The following ERI3 variants were observed in gnomAD, a reference collection of about 807,000 sequenced individuals.
The protein encoded by ERI3 is ERI1 exoribonuclease family member 3, also known as ERI1 exoribonuclease 3.
In ERI3, 18 loss-of-function variants were observed where a neutral mutation model predicts 44.4. That is an observed-to-expected ratio of 0.41 (90% CI 0.28 to 0.60). ERI3 has a LOEUF of 0.60. ERI3 is among the 20% of genes least tolerant of loss of function. The probability of loss-of-function intolerance (pLI) is 0.36; values close to 1 mark genes in which losing one functional copy is unlikely to be tolerated. For synonymous variants in ERI3, 183 were observed against 164.8 expected (o/e 1.11, Z -0.84); for missense variants, 294 against 435.5 (o/e 0.68, Z 2.89).
At chr1:44,298,637 G>A (rs1294212051) in intron 6 of ERI3, among the ~76,000 whole-genome samples, 1 of 152,098 alleles carries the variant, frequency 6.6e-6, no homozygotes, top group Non-Finnish European at 1.5e-5. Context: ...GACACAGGTC[G>A]GGTGCGGTGT....
intron 6 of ERI3, among the ~76,000 whole-genome samples, chr1:44,294,798 T>A (rs1416112405): frequency 6.6e-6 from 1 of 152,256 alleles, no homozygotes; most frequent in Non-Finnish European, 1.5e-5. Context: ...CCTTAGCAGA[T>A]TGAGCTGTCT....
At chr1:44,309,157 G>A (rs1385995459) in intron 5 of ERI3, among the ~76,000 whole-genome samples, 1 of 152,156 alleles carries the variant, frequency 6.6e-6, no homozygotes, top group East Asian at 1.9e-4. Flanking sequence ...TGTTCACACT[G>A]GAAATTCAAA....
intron 2 of ERI3, among the ~76,000 whole-genome samples, chr1:44,343,159 A>C (rs1006432567): frequency 6.6e-6 from 1 of 152,052 alleles, no homozygotes; most frequent in Admixed American, 6.5e-5. Flanking sequence ...TGATGGGAAC[A>C]TACCAAAAGG....
chr1:44,317,503 G>A (rs1646114728), intron 4 of ERI3, among the ~76,000 whole-genome samples: 1 of 152,146 alleles, frequency 6.6e-6, no homozygotes, highest in South Asian at 2.1e-4. Flanking sequence ...GGGAGAGACA[G>A]AAAATAACTC....
At chr1:44,305,523 C>T (rs181588589) in intron 6 of ERI3, among the ~76,000 whole-genome samples, 44 of 152,332 alleles carry the variant, frequency 2.9e-4, no homozygotes, top group African/African-American at 1.0e-3. Context: ...ATCCACATCA[C>T]TAAATAAAAA....
chr1:44,285,434 T>C (rs911966852), intron 6 of ERI3, among the ~76,000 whole-genome samples: 1 of 152,096 alleles, frequency 6.6e-6, no homozygotes, highest in Non-Finnish European at 1.5e-5. Context: ...AAAGGCAGAG[T>C]ATATGACTTA....
intron 7 of ERI3, among the ~76,000 whole-genome samples, chr1:44,262,827 A>AG (rs1644921323): frequency 6.6e-6 from 1 of 152,198 alleles, no homozygotes; most frequent in African/African-American, 2.4e-5. Flanking sequence ...GACACTCTCC[A>AG]GATTCTTTCC....
Position 44,221,538 on chromosome 1 carries a change from C to T in ERI3, c.*20G>A. 1.9e-6 allele frequency: 3 copies of T among 1,609,066 alleles called. No individual in the cohort carries two copies. The highest frequency in any genetic ancestry group is 2.6e-6 in the Non-Finnish European group (3 of 1,175,506). ...GGGCCAAACAGCTACCCTGTCCTGC[C>T]CCATCCTGTCCTCGGCCAATCAGAA... On this transcript the variant is annotated 3_prime_UTR_variant, in exon 9 of 9. Transcript: ENST00000372257. This position sits in a 1 kb window ranked among gnomAD's most constrained non-coding sequence, Gnocchi z 5.9.
chr1:44,251,630 G>A (rs1462936019), intron 7 of ERI3, among the ~76,000 whole-genome samples: 1 of 152,182 alleles, frequency 6.6e-6, no homozygotes, highest in African/African-American at 2.4e-5. Flanking sequence ...TGGCAGGCTG[G>A]GACGGTTTGA....
chr1:44,330,179 G>A (rs954974282), intron 3 of ERI3, among the ~76,000 whole-genome samples: 28 of 151,846 alleles, frequency 1.8e-4, no homozygotes, highest in African/African-American at 4.8e-4. Context: ...TTCCTTTTCC[G>A]GCTCCCCAAC....
intron 4 of ERI3, 144 bp downstream of exon 4, chr1:44,319,478 GACTTCA>G (rs1417025908): frequency 1.7e-6 from 1 of 596,564 alleles, no homozygotes; most frequent in African/African-American, 1.8e-5. Context: ...TGGAGTGGCA[GACTTCA>G]TAAAACCTAA....
intron 2 of ERI3, among the ~76,000 whole-genome samples, chr1:44,345,023 T>G (rs1451540524): frequency 6.6e-6 from 1 of 152,242 alleles, no homozygotes; most frequent in Non-Finnish European, 1.5e-5. Flanking sequence ...CAGCCATTAC[T>G]GTCTATCAGG....
At chr1:44,341,890 A>AAAAAC (rs371317809) in intron 2 of ERI3, among the ~76,000 whole-genome samples, 102 of 152,242 alleles carry the variant, frequency 6.7e-4, no homozygotes, top group Middle Eastern at 3.4e-3. Flanking sequence ...ACCATAATTC[A>AAAAAC]AAAACAAAAC....
chr1:44,292,787 G>C (rs756240955), intron 6 of ERI3, among the ~76,000 whole-genome samples: 66 of 152,294 alleles, frequency 4.3e-4, no homozygotes, highest in Middle Eastern at 3.4e-3. Flanking sequence ...CCAACCACAG[G>C]CTTCAGAAAG....
At chr1:44,286,086 T>A (rs1645388847) in intron 6 of ERI3, among the ~76,000 whole-genome samples, 1 of 152,184 alleles carries the variant, frequency 6.6e-6, no homozygotes. Context: ...GACCTCTGCT[T>A]GGCTAGCTTC....
At chr1:44,308,489 T>C (rs1645887514) in intron 5 of ERI3, 88 bp from the exon 6 acceptor site, 1 of 1,016,244 alleles carries the variant, frequency 9.8e-7, no homozygotes, top group Non-Finnish European at 1.6e-6. Context: ...GATAAGCTGC[T>C]TGTAATCAGA....
chr1:44,283,624 C>G (rs1645332768), intron 7 of ERI3, among the ~76,000 whole-genome samples: 1 of 152,160 alleles, frequency 6.6e-6, no homozygotes, highest in South Asian at 2.1e-4. Context: ...CATGGGAGAT[C>G]AGCAGGAGAG....
At chr1:44,336,296 A>G (rs1646534624) in intron 3 of ERI3, among the ~76,000 whole-genome samples, 1 of 152,192 alleles carries the variant, frequency 6.6e-6, no homozygotes, top group South Asian at 2.1e-4. Context: ...GAATCCCATC[A>G]GGATCCTGCT....
At position 44,235,204 on chromosome 1, in the gene ERI3, T is replaced by C. The variant is rs1644276566; in HGVS notation, c.931+12735A>G. On this transcript the variant is annotated intron_variant, in intron 8 of 8. Coordinates refer to ENST00000372257, the MANE Select transcript of ERI3 (RefSeq NM_024066.3). The surrounding 1 kb of genome is among the most constrained non-coding windows in gnomAD (Gnocchi z 4.6). ...CTCCCAATGCATCCAAACCCCTTTATAAAAGTCTGAGTTCTGGACCTGTTT... is the reference window on the plus strand; with the variant it reads ...CTCCCAATGCATCCAAACCCCTTTACAAAAGTCTGAGTTCTGGACCTGTTT... Among the ~76,000 whole-genome samples the C allele has an allele frequency of 6.6e-6, 1 of 152,120 alleles. No homozygotes were observed. Among genetic ancestry groups the C allele is most frequent in the South Asian group, 2.1e-4 (1 of 4,830 alleles).
Sources: gnomAD v4.1 joint callset for allele counts (sites outside exome capture counted in the v4.1 genomes callset) on GRCh38, gnomAD v4.1.1 for gene constraint, Gnocchi (gnomAD v3.1) non-coding constraint, MANE v1.5 for transcripts, NCBI Gene and HGNC (gene_info 2026-07-23, HGNC 2026-07-21) for gene names.